ADCY3: variants seen among roughly 807,000 people sequenced by gnomAD.
The protein encoded by ADCY3 is adenylate cyclase type 3.
A neutral mutation model predicts 119.4 loss-of-function variants in ADCY3; 70 were observed. The observed-to-expected ratio is 0.59, with a 90% CI of 0.48 to 0.72. ADCY3 has a LOEUF of 0.72. Among genes scored for constraint, ADCY3 ranks in the 30% least tolerant of loss-of-function variants. The probability of loss-of-function intolerance (pLI) is 0.00; values close to 1 mark genes in which losing one functional copy is unlikely to be tolerated. For synonymous variants in ADCY3, 672 were observed against 621.4 expected (o/e 1.08, Z -1.21); for missense variants, 1,238 against 1,541.6 (o/e 0.80, Z 3.30).
chr2:24,909,890 G>A (rs1663364243), intron 2 of ADCY3, among the ~76,000 whole-genome samples: 3 of 152,152 alleles, frequency 2.0e-5, no homozygotes, highest in African/African-American at 7.2e-5. Flanking sequence ...GAGTTAGCCT[G>A]GACTTCTTGT....
intron 18 of ADCY3, 123 bp downstream of exon 18, chr2:24,823,086 A>G: frequency 7.9e-7 from 1 of 1,260,440 alleles, no homozygotes; most frequent in East Asian, 2.5e-5. Flanking sequence ...AAGTCCATGT[A>G]TTGCGGAAGG....
chr2:24,887,771 A>C (rs1481425927), intron 2 of ADCY3, among the ~76,000 whole-genome samples: 2 of 151,850 alleles, frequency 1.3e-5, no homozygotes, highest in Non-Finnish European at 2.9e-5. Context: ...CCACACTTTA[A>C]ACTCGCTGCC....
rs1171682998 is a variant in ADCY3, at chr2:24,878,954, A to G, written c.676-6235T>C. On this transcript the variant is annotated intron_variant, in intron 2 of 21. Transcript: ENST00000679454. The surrounding 1 kb of genome is among the most constrained non-coding windows in gnomAD (Gnocchi z 4.0). ...GTCGCCTGGAAAGCAAACTCCATGC[A>G]GCCGGGACACGGGTTGTTTCCCTGC... Among the ~76,000 whole-genome samples the G allele has an allele frequency of 6.6e-6, 1 of 152,176 alleles. No individual in the cohort carries two copies. Among genetic ancestry groups the G allele is most frequent in the East Asian group, 1.9e-4 (1 of 5,188 alleles).
chr2:24,877,816 T>G, intron 2 of ADCY3: 1 of 460,582 alleles, frequency 2.2e-6, no homozygotes. Flanking sequence ...CTCCTTGGCC[T>G]GGGGCGAGAC....
In ADCY3 at chr2:24,842,721, C is replaced by T. The variant is rs374981261; in HGVS notation, c.826-337G>A. 12 of 301,832 alleles carry T rather than the reference C, an allele frequency of 4.0e-5. No individual in the cohort carries two copies. The highest frequency in any genetic ancestry group is 1.1e-4 in the African/African-American group (5 of 46,890). The allele number at this position is 301,832 out of a possible 1,614,324, so 18.7% of individuals were successfully genotyped here. A position where few individuals can be genotyped will look rare whatever the true frequency, so the allele number is the denominator to read the frequency against. On this transcript the variant is annotated intron_variant, in intron 3 of 21. Coordinates refer to ENST00000679454, the MANE Select transcript of ADCY3 (RefSeq NM_004036.5). This position sits in a 1 kb window ranked among gnomAD's most constrained non-coding sequence, Gnocchi z 4.9. ...TGGGCTGCTGCACCGTGAGCCCTCC[C>T]GGCAGGAGCCCTGCGGGGTCACCTC...
At chr2:24,862,842 T>C (rs1673842466) in intron 3 of ADCY3, among the ~76,000 whole-genome samples, 1 of 152,238 alleles carries the variant, frequency 6.6e-6, no homozygotes, top group African/African-American at 2.4e-5. Flanking sequence ...TGGCCTCTTC[T>C]ACTTTTCTAT....
chr2:24,826,740 G>GAT (rs1181262265), intron 15 of ADCY3: 1 of 81,808 alleles, frequency 1.2e-5, no homozygotes, highest in Non-Finnish European at 3.1e-5. Flanking sequence ...ATTTCTCTAA[G>GAT]ATGTGTGTAT....
chr2:24,885,021 G>A (rs1171337329), intron 2 of ADCY3, among the ~76,000 whole-genome samples: 1 of 152,186 alleles, frequency 6.6e-6, no homozygotes, highest in Non-Finnish European at 1.5e-5. Context: ...CTCTGGTCTG[G>A]AAGGACCATG....
intron 17 of ADCY3, among the ~76,000 whole-genome samples, chr2:24,823,646 T>C (rs535901728): frequency 6.6e-6 from 1 of 151,870 alleles, no homozygotes; most frequent in South Asian, 2.1e-4. Flanking sequence ...TGCCCGGCTG[T>C]AGATTATTCC....
intron 2 of ADCY3, among the ~76,000 whole-genome samples, chr2:24,890,107 A>G (rs1677499855): frequency 6.6e-6 from 1 of 152,238 alleles, no homozygotes; most frequent in South Asian, 2.1e-4. Context: ...TTTCCTTTTC[A>G]GTAGGCTAAT....
At chr2:24,911,637 CAAAA>C (rs60134317) in intron 2 of ADCY3, among the ~76,000 whole-genome samples, 17 of 106,156 alleles carry the variant, frequency 1.6e-4, no homozygotes, top group African/African-American at 4.8e-4. Flanking sequence ...GAGACAGACT[CAAAA>C]AAAAAAAAAA....
chr2:24,856,425 C>T (rs979614844), intron 3 of ADCY3, among the ~76,000 whole-genome samples: 2 of 152,156 alleles, frequency 1.3e-5, no homozygotes, highest in Non-Finnish European at 2.9e-5. Context: ...CTGTCTTGGT[C>T]CCGATTAATC....
rs947484943 is a variant in ADCY3 at position 24,865,505 on chromosome 2, G to C, written c.825+7065C>G. On this transcript the variant is annotated intron_variant, in intron 3 of 21. Transcript: ENST00000679454. ...GGCTATCATCTGTGTGTGTGTGTGT[G>C]TGTGTGTGTGTGTGTGTGTGTGTGT... is the stretch of plus-strand genomic sequence containing the variant. Among the ~76,000 whole-genome samples the C allele has an allele frequency of 1.3e-3, 183 of 139,760 alleles. 1 individual carries two copies. The highest frequency in any genetic ancestry group is 5.6e-3 in the African/African-American group (172 of 30,596). 91.7% of individuals were successfully genotyped at this position (139,760 alleles called of 152,430 possible). A position where few individuals can be genotyped will look rare whatever the true frequency, so the allele number is the denominator to read the frequency against.
chr2:24,880,274 C>T (rs747037213), intron 2 of ADCY3, among the ~76,000 whole-genome samples: 1 of 152,266 alleles, frequency 6.6e-6, no homozygotes, highest in Non-Finnish European at 1.5e-5. Flanking sequence ...GCTAGAGCAG[C>T]TTCTCAGGTT....
chr2:24,865,495 G>C (rs985722757), intron 3 of ADCY3, among the ~76,000 whole-genome samples: 1,057 of 99,568 alleles, frequency 0.011, 10 homozygotes, highest in African/African-American at 0.068. Flanking sequence ...TCATCTGTGT[G>C]TGTGTGTGTG....
chr2:24,856,327 T>G (rs1298244896), intron 3 of ADCY3, among the ~76,000 whole-genome samples: 5 of 152,366 alleles, frequency 3.3e-5, no homozygotes, highest in African/African-American at 1.2e-4. Context: ...TGTGTTCATG[T>G]GTTCTAAGTG....
intron 2 of ADCY3, among the ~76,000 whole-genome samples, chr2:24,901,153 T>C (rs923440358): frequency 2.0e-5 from 3 of 152,184 alleles, no homozygotes; most frequent in Non-Finnish European, 2.9e-5. Context: ...GGGCACAGGA[T>C]AGCGCTGGAG....
Position 24,872,681 on chromosome 2 carries a change from A to G in ADCY3, c.714T>C (p.Ala238=), listed in dbSNP as rs2148817408. 3.1e-6 allele frequency: 5 copies of G among 1,614,214 alleles called. No individual in the cohort carries two copies. Among genetic ancestry groups the G allele is most frequent in the Non-Finnish European group, 3.4e-6 (4 of 1,180,024 alleles). Reference sequence around the variant, plus strand: ...CCATGTAGTAGGACATGATGCCCACAGCGATGGCGCACAGGTAGAGGAAGA... The same window carrying G: ...CCATGTAGTAGGACATGATGCCCACGGCGATGGCGCACAGGTAGAGGAAGA... The part of the protein sequence containing the change: ...ANVFLYLCAI[A]VGIMSYYMAD... The change falls in exon 3 of 22, where the codon GCT becomes GCC. Residue 238 remains alanine (A), a synonymous_variant. Transcript: ENST00000679454. The surrounding 1 kb of genome is among the most constrained non-coding windows in gnomAD (Gnocchi z 4.4).
intron 11 of ADCY3, among the ~76,000 whole-genome samples, chr2:24,833,620 C>G (rs1404127582): frequency 1.3e-5 from 2 of 152,214 alleles, no homozygotes; most frequent in Non-Finnish European, 2.9e-5. Context: ...TACCAGAACC[C>G]AAGTTTCACG....
Sources: gnomAD v4.1 joint callset for allele counts (sites outside exome capture counted in the v4.1 genomes callset) on GRCh38, gnomAD v4.1.1 for gene constraint, Gnocchi (gnomAD v3.1) non-coding constraint, MANE v1.5 for transcripts, NCBI Gene and HGNC (gene_info 2026-07-23, HGNC 2026-07-21) for gene names.